GPR176: variants seen among roughly 807,000 people sequenced by gnomAD.
GPR176 encodes G protein-coupled receptor 176.
A neutral mutation model predicts 35.4 loss-of-function variants in GPR176; 26 were observed. The ratio of observed to expected loss-of-function variants is 0.74; its 90% CI spans 0.54 to 1.02. GPR176 has a LOEUF of 1.02. GPR176 is among the 50% of genes least tolerant of loss of function. The probability of loss-of-function intolerance (pLI) is 0.00; values close to 1 mark genes in which losing one functional copy is unlikely to be tolerated. For missense variants in GPR176, 597 were observed against 665.3 expected, an observed-to-expected ratio of 0.90 and a Z score of 1.13; for synonymous variants, 278 against 271.3, an observed-to-expected ratio of 1.02 and a Z score of -0.24.
chr15:39,831,250 G>A (rs1322945021), intron 1 of GPR176, among the ~76,000 whole-genome samples: 1 of 152,098 alleles, frequency 6.6e-6, no homozygotes, highest in Admixed American at 6.6e-5. Context: ...CCTCTTTCGT[G>A]TCTGTTTCCT....
At chr15:39,880,467 T>C (rs999647626) in intron 1 of GPR176, among the ~76,000 whole-genome samples, 1 of 52,110 alleles carries the variant, frequency 1.9e-5, no homozygotes, top group Admixed American at 2.6e-4. Context: ...TCTACTCTCA[T>C]GGTTTGAGCT....
intron 1 of GPR176, among the ~76,000 whole-genome samples, chr15:39,881,878 G>A (rs2032489702): frequency 6.6e-6 from 1 of 152,220 alleles, no homozygotes; most frequent in African/African-American, 2.4e-5. Context: ...CACAAGTGAA[G>A]TTGGTCCCAG....
intron 1 of GPR176, among the ~76,000 whole-genome samples, chr15:39,875,351 G>A (rs2032202992): frequency 6.6e-6 from 1 of 152,002 alleles, no homozygotes; most frequent in Admixed American, 6.6e-5. Flanking sequence ...TTGTTTCTTT[G>A]ACTACAAAGA....
chr15:39,897,728 C>G (rs1331089361), intron 1 of GPR176, among the ~76,000 whole-genome samples: 1 of 151,070 alleles, frequency 6.6e-6, no homozygotes, highest in East Asian at 2.0e-4. Context: ...ATTCTCCTGC[C>G]TCAGCCCCAA....
chr15:39,840,306 A>C (rs1901662303), intron 1 of GPR176, among the ~76,000 whole-genome samples: 1 of 152,206 alleles, frequency 6.6e-6, no homozygotes. Flanking sequence ...GCAGCCATAA[A>C]AAAGGATGAG....
intron 1 of GPR176, among the ~76,000 whole-genome samples, chr15:39,899,505 G>T (rs1005474669): frequency 3.3e-5 from 5 of 152,156 alleles, no homozygotes; most frequent in African/African-American, 1.2e-4. Context: ...CAACTCTGAA[G>T]AACTTTAAGG....
intron 1 of GPR176, among the ~76,000 whole-genome samples, chr15:39,914,586 A>AG (rs1237141356): frequency 1.3e-5 from 2 of 152,190 alleles, no homozygotes; most frequent in Non-Finnish European, 2.9e-5. Context: ...CTGGGATTAC[A>AG]GGCATGAGCC....
At chr15:39,908,051 G>T (rs1156909794) in intron 1 of GPR176, among the ~76,000 whole-genome samples, 2 of 152,112 alleles carry the variant, frequency 1.3e-5, no homozygotes, top group Non-Finnish European at 2.9e-5. Context: ...AGAATCAGAG[G>T]CTGTGTGCTG....
intron 1 of GPR176, among the ~76,000 whole-genome samples, chr15:39,906,243 T>C (rs1029853914): frequency 1.3e-5 from 2 of 152,232 alleles, no homozygotes; most frequent in Non-Finnish European, 2.9e-5. Context: ...CTTCCTTGGC[T>C]GCAGTCAAAA....
intron 1 of GPR176, among the ~76,000 whole-genome samples, chr15:39,913,892 A>C (rs557745941): frequency 6.6e-6 from 1 of 152,126 alleles, no homozygotes; most frequent in Non-Finnish European, 1.5e-5. Context: ...TAAAAATACA[A>C]AACATTAGCC....
At chr15:39,865,036 A>G (rs930174510) in intron 1 of GPR176, among the ~76,000 whole-genome samples, 2 of 152,122 alleles carry the variant, frequency 1.3e-5, no homozygotes, top group African/African-American at 4.8e-5. Context: ...ATTATTAAAA[A>G]GAAAAAAATA....
intron 1 of GPR176, among the ~76,000 whole-genome samples, chr15:39,891,670 CA>C (rs1368768908): frequency 5.9e-5 from 9 of 152,076 alleles, no homozygotes; most frequent in African/African-American, 1.9e-4. Flanking sequence ...AACAGACGGG[CA>C]CCAGAATGAA....
chr15:39,845,961 C>G (rs1390808007), intron 1 of GPR176, among the ~76,000 whole-genome samples: 2 of 152,154 alleles, frequency 1.3e-5, no homozygotes, highest in Non-Finnish European at 1.5e-5. Flanking sequence ...AGGCAAAGGA[C>G]AGAAAAGAAG....
chr15:39,823,132 C>G (rs1331675541), intron 1 of GPR176, among the ~76,000 whole-genome samples: 1 of 152,178 alleles, frequency 6.6e-6, no homozygotes, highest in African/African-American at 2.4e-5. Flanking sequence ...AGTCTTGACC[C>G]TTCTCATGCT....
intron 1 of GPR176, among the ~76,000 whole-genome samples, chr15:39,915,102 C>T (rs750494931): frequency 6.6e-6 from 1 of 152,246 alleles, no homozygotes; most frequent in Non-Finnish European, 1.5e-5. Context: ...ATTTCACATG[C>T]TCACTACAGA....
intron 1 of GPR176, chr15:39,829,063 C>T: frequency 1.2e-6 from 1 of 838,132 alleles, no homozygotes; most frequent in South Asian, 1.4e-5. Context: ...GAAATTGAGG[C>T]ACTGAAAGGT....
intron 1 of GPR176, among the ~76,000 whole-genome samples, chr15:39,891,746 G>T (rs2032880460): frequency 6.6e-6 from 1 of 152,148 alleles, no homozygotes. Flanking sequence ...GGCTGAGGTT[G>T]GAGGACCACT....
chr15:39,862,575 G>A (rs2140829359), intron 1 of GPR176, among the ~76,000 whole-genome samples: 1 of 152,294 alleles, frequency 6.6e-6, no homozygotes, highest in Middle Eastern at 3.4e-3. Context: ...AATATACAAT[G>A]GTGGTCCCAT....
chr15:39,865,721 A>G (rs917210945), intron 1 of GPR176, among the ~76,000 whole-genome samples: 14 of 152,206 alleles, frequency 9.2e-5, no homozygotes, highest in African/African-American at 3.4e-4. Flanking sequence ...GACTATATCA[A>G]AGTGCCATCT....
Sources: allele counts gnomAD v4.1 joint callset (sites outside exome capture counted in the v4.1 genomes callset), GRCh38; gene constraint gnomAD v4.1.1; transcripts MANE v1.5; gene names NCBI Gene and HGNC (gene_info 2026-07-23, HGNC 2026-07-21).